Variants in EMCN observed in about 807,000 individuals in gnomAD.
EMCN encodes the protein endomucin, also known as MUC-14.
Under a neutral mutation model 38.4 loss-of-function variants are expected in EMCN, and 37 were observed. That is an observed-to-expected ratio of 0.96 (90% CI 0.74 to 1.27). The LOEUF is 1.27. Ranked by LOEUF, EMCN falls within the 50% of genes most tolerant of loss-of-function variation. EMCN has a pLI of 0.00. For missense variants in EMCN, 318 were observed against 302.8 expected (o/e 1.05, Z -0.37); for synonymous variants, 95 against 100.8 (o/e 0.94, Z 0.35).
intron 5 of EMCN, among the ~76,000 whole-genome samples, chr4:100,424,310 C>A (rs1026054758): frequency 3.9e-5 from 6 of 152,004 alleles, no homozygotes; most frequent in Non-Finnish European, 8.8e-5. Context: ...GCCTGTTTGC[C>A]TTGCCTCTTC....
At chr4:100,417,071 A>T (rs1160120182) in intron 9 of EMCN, 46 bp downstream of exon 9, 1 of 1,583,328 alleles carries the variant, frequency 6.3e-7, no homozygotes, top group Admixed American at 1.7e-5. Context: ...AATTTTCACT[A>T]CGTAAATGGT....
intron 5 of EMCN, among the ~76,000 whole-genome samples, chr4:100,442,776 T>G (rs1400839052): frequency 1.3e-5 from 2 of 152,170 alleles, no homozygotes; most frequent in African/African-American, 4.8e-5. Context: ...ATTGTTTTCC[T>G]GATTTTATTA....
intron 1 of EMCN, among the ~76,000 whole-genome samples, chr4:100,511,894 A>G (rs1729634176): frequency 6.6e-6 from 1 of 152,278 alleles, no homozygotes; most frequent in Admixed American, 6.5e-5. Context: ...GAGCAGGAAT[A>G]TAAGAGAAAA....
intron 4 of EMCN, among the ~76,000 whole-genome samples, chr4:100,450,717 A>C (rs1455070250): frequency 6.6e-6 from 1 of 151,976 alleles, no homozygotes; most frequent in Admixed American, 6.6e-5. Flanking sequence ...GCCTACTTGA[A>C]ATGATATAAA....
intron 10 of EMCN, among the ~76,000 whole-genome samples, chr4:100,414,499 T>C (rs1726658960): frequency 6.6e-6 from 1 of 151,882 alleles, no homozygotes; most frequent in Admixed American, 6.6e-5. Flanking sequence ...TTTGCCCCCT[T>C]CAGATGGTTC....
chr4:100,445,413 C>T (rs1375027209), intron 5 of EMCN, among the ~76,000 whole-genome samples: 2 of 152,024 alleles, frequency 1.3e-5, no homozygotes, highest in South Asian at 4.2e-4. Flanking sequence ...TTTTTGAAGT[C>T]GTTGCAAAAA....
At chr4:100,487,137 TC>T (rs1728963272) in intron 1 of EMCN, 1 of 408,424 alleles carries the variant, frequency 2.4e-6, no homozygotes, top group Non-Finnish European at 3.3e-6. Context: ...TGTCCTGAGA[TC>T]CCTTTCTTCC....
intron 2 of EMCN, among the ~76,000 whole-genome samples, chr4:100,476,156 G>A (rs1284746707): frequency 6.6e-6 from 1 of 150,846 alleles, no homozygotes; most frequent in South Asian, 2.1e-4. Context: ...TCTCTGTAAT[G>A]GTCTTTCTCC....
At position 100,504,597 on chromosome 4, in the gene EMCN, A is replaced by G. The variant is rs558589851; in HGVS notation, c.64+13254T>C. ...ACAGAGATAGGAGCTGAAGGGAGAT[A>G]GTGAGAAGTGACCAGAAGACAAGAG... On this transcript the variant is annotated intron_variant, in intron 1 of 11. Transcript: ENST00000296420. 7.9e-5 allele frequency among the ~76,000 whole-genome samples: 12 copies of G among 152,320 alleles called. No homozygotes were observed. The East Asian group carries it at 2.3e-3, about 29-fold the overall frequency.
chr4:100,425,873 A>G (rs1470176243), intron 5 of EMCN, among the ~76,000 whole-genome samples: 1 of 152,014 alleles, frequency 6.6e-6, no homozygotes, highest in Non-Finnish European at 1.5e-5. Context: ...AGAATATGGT[A>G]CTCTTAGATG....
rs1451003200 is a variant in EMCN, at chr4:100,397,683, G to T, written c.*730C>A. ...TAAATTACTCTCCCCCTAACAGTCT[G>T]ATATGTGAATCGTATGTCCCTTTCT... On this transcript the variant is annotated 3_prime_UTR_variant, in exon 12 of 12. Transcript: ENST00000296420. 3 of 152,068 alleles carry T rather than the reference G, an allele frequency of 2.0e-5. No homozygotes were observed. The highest frequency in any genetic ancestry group is 4.4e-5 in the Non-Finnish European group (3 of 68,022). The allele number at this position is 152,068 out of a possible 1,614,324, so 9.4% of individuals were successfully genotyped here.
chr4:100,459,569 C>T (rs1408652113), intron 4 of EMCN, among the ~76,000 whole-genome samples: 5 of 152,024 alleles, frequency 3.3e-5, no homozygotes, highest in African/African-American at 1.2e-4. Context: ...TCTTCTCATT[C>T]CCACCCTACC....
intron 10 of EMCN, among the ~76,000 whole-genome samples, chr4:100,411,350 C>T (rs571421793): frequency 1.4e-4 from 21 of 152,276 alleles, no homozygotes; most frequent in African/African-American, 3.4e-4. Flanking sequence ...TTGGAACCCA[C>T]GGCTATGAAG....
Position 100,447,531 on chromosome 4 carries a change from A to G in EMCN, c.415+2T>C. The G allele has an allele frequency of 6.2e-7, 1 of 1,601,992 alleles. No individual in the cohort carries two copies. Among genetic ancestry groups the G allele is most frequent in the Non-Finnish European group, 8.5e-7 (1 of 1,170,334 alleles). Reference sequence around the variant, plus strand: ...GAGAGAGACAGAGAAAAAAGAGCTTACCTGGTATTTCTGTTGTTTTAATTG... The same window carrying G: ...GAGAGAGACAGAGAAAAAAGAGCTTGCCTGGTATTTCTGTTGTTTTAATTG... On this transcript the variant is annotated splice_donor_variant, in intron 5 of 11. Transcript: ENST00000296420. LOFTEE classifies it high-confidence loss of function.
chr4:100,428,302 T>C (rs1035325231), intron 5 of EMCN, among the ~76,000 whole-genome samples: 12 of 152,132 alleles, frequency 7.9e-5, no homozygotes, highest in African/African-American at 2.9e-4. Context: ...CCTCCACATA[T>C]TGGGTGACTC....
At chr4:100,447,300 T>A (rs1237783866) in intron 5 of EMCN, among the ~76,000 whole-genome samples, 3 of 152,178 alleles carry the variant, frequency 2.0e-5, no homozygotes, top group South Asian at 2.1e-4. Flanking sequence ...CTTTTATACA[T>A]TCGCTAGAGC....
intron 1 of EMCN, among the ~76,000 whole-genome samples, chr4:100,511,131 A>G (rs968390273): frequency 2.6e-5 from 4 of 152,320 alleles, no homozygotes; most frequent in African/African-American, 9.6e-5. Flanking sequence ...ATTCTTTTTC[A>G]GAAAACTCAA....
intron 1 of EMCN, among the ~76,000 whole-genome samples, chr4:100,499,181 T>C (rs1729286770): frequency 6.6e-6 from 1 of 152,200 alleles, no homozygotes; most frequent in African/African-American, 2.4e-5. Flanking sequence ...AGGGATCCTT[T>C]AGCATTTAAT....
In EMCN at chr4:100,421,309, AC is replaced by A. The variant is rs1347918038; in HGVS notation, c.636del (p.Leu212PhefsTer27). On this transcript the variant is annotated frameshift_variant, in exon 8 of 12. Transcript: ENST00000296420. LOFTEE classifies it high-confidence loss of function. The part of the protein sequence containing the change: ...ITLSVFVLVG[L>X]YRMCWKADPG... ...GGATCTGCCTTCCAGCACATTCGGTACAAACCCACCAGAACAAATACTGAAA... is the reference window on the plus strand; with the variant it reads ...GGATCTGCCTTCCAGCACATTCGGTAAAACCCACCAGAACAAATACTGAAA... The A allele has an allele frequency of 6.2e-7, 1 of 1,612,904 alleles. No individual in the cohort carries two copies. The highest frequency in any genetic ancestry group is 8.5e-7 in the Non-Finnish European group (1 of 1,179,134).
Sources: gnomAD v4.1 joint callset for allele counts (sites outside exome capture counted in the v4.1 genomes callset) on GRCh38, gnomAD v4.1.1 for gene constraint, MANE v1.5 for transcripts, NCBI Gene and HGNC (gene_info 2026-07-23, HGNC 2026-07-21) for gene names.